The following PTPRO variants were observed in gnomAD, a reference collection of about 807,000 sequenced individuals.
PTPRO encodes protein tyrosine phosphatase receptor type O, also known as receptor-type tyrosine-protein phosphatase O.
PTPRO carries 62 observed loss-of-function variants against 145.2 expected under a neutral mutation model. The observed-to-expected ratio is 0.43, with a 90% CI of 0.35 to 0.53. PTPRO has a LOEUF of 0.53. PTPRO is among the 20% of genes least tolerant of loss of function. The pLI is 0.01. For synonymous variants in PTPRO, 565 were observed against 514.7 expected, an observed-to-expected ratio of 1.10 and a Z score of -1.32; for missense variants, 1,345 against 1,482.7, an observed-to-expected ratio of 0.91 and a Z score of 1.53.
At chr12:15,535,596 G>A (rs79304708) in intron 12 of PTPRO, among the ~76,000 whole-genome samples, 3,668 of 152,326 alleles carry the variant, frequency 0.024, 170 homozygotes, top group African/African-American at 0.084. Flanking sequence ...ACAAGCTGGC[G>A]CTTAGAGAAA....
intron 19 of PTPRO, among the ~76,000 whole-genome samples, chr12:15,569,848 T>C (rs1943999127): frequency 6.6e-6 from 1 of 152,160 alleles, no homozygotes; most frequent in Admixed American, 6.5e-5. Context: ...TTTCAGGGGA[T>C]TTGTAGTGTT....
At chr12:15,492,653 A>C (rs1478699338) in intron 2 of PTPRO, among the ~76,000 whole-genome samples, 3 of 152,194 alleles carry the variant, frequency 2.0e-5, no homozygotes, top group Non-Finnish European at 4.4e-5. Context: ...TAATGCATCA[A>C]ACTAGGTAAA....
At chr12:15,346,554 T>A (rs1348870481) in intron 1 of PTPRO, 1 of 152,194 alleles carries the variant, frequency 6.6e-6, no homozygotes, top group Admixed American at 6.5e-5. Flanking sequence ...CTCAGAGAAG[T>A]TTGGTGCTTT....
intron 1 of PTPRO, among the ~76,000 whole-genome samples, chr12:15,360,837 TAC>T (rs1491100465): frequency 9.5e-5 from 11 of 115,872 alleles, no homozygotes; most frequent in African/African-American, 1.6e-4. Context: ...TGTATATATA[TAC>T]GTGTGTATAT....
intron 1 of PTPRO, among the ~76,000 whole-genome samples, chr12:15,391,617 G>A (rs1490317501): frequency 1.3e-5 from 2 of 152,184 alleles, no homozygotes; most frequent in Non-Finnish European, 2.9e-5. Flanking sequence ...GTAGAAATTA[G>A]GGTCAGTCCC....
At chr12:15,544,131 A>C (rs1943231615) in intron 12 of PTPRO, among the ~76,000 whole-genome samples, 1 of 152,182 alleles carries the variant, frequency 6.6e-6, no homozygotes, top group African/African-American at 2.4e-5. Flanking sequence ...GCCAGGGAAA[A>C]AGAGGCACAG....
chr12:15,556,887 G>C (rs527627917), intron 15 of PTPRO, among the ~76,000 whole-genome samples: 8 of 152,242 alleles, frequency 5.3e-5, no homozygotes, highest in Admixed American at 4.6e-4. Flanking sequence ...ATGCCCTTTG[G>C]AAAGGATTGT....
chr12:15,362,616 G>A (rs1938243456), intron 1 of PTPRO, among the ~76,000 whole-genome samples: 1 of 151,902 alleles, frequency 6.6e-6, no homozygotes, highest in African/African-American at 2.4e-5. Flanking sequence ...TTCCTTATAT[G>A]GTAGAGTTTA....
At chr12:15,452,778 C>G (rs530904213) in intron 1 of PTPRO, among the ~76,000 whole-genome samples, 3 of 152,158 alleles carry the variant, frequency 2.0e-5, no homozygotes, top group Non-Finnish European at 2.9e-5. Flanking sequence ...TCTGCCTTTA[C>G]TACACAGAGT....
chr12:15,487,241 A>G (rs1591645098), intron 2 of PTPRO, among the ~76,000 whole-genome samples: 1 of 152,080 alleles, frequency 6.6e-6, no homozygotes, highest in Non-Finnish European at 1.5e-5. Context: ...CCCTCAAACT[A>G]CACCGACACT....
intron 15 of PTPRO, among the ~76,000 whole-genome samples, chr12:15,552,397 T>TA (rs1239922414): frequency 6.6e-6 from 1 of 152,226 alleles, no homozygotes; most frequent in Non-Finnish European, 1.5e-5. Flanking sequence ...ATTTGCCCAA[T>TA]ATTAACCTGC....
At chr12:15,525,029 C>T in intron 11 of PTPRO, 64 bp downstream of exon 11, 1 of 1,562,786 alleles carries the variant, frequency 6.4e-7, no homozygotes, top group Non-Finnish European at 8.8e-7. Flanking sequence ...TATTGAAAAC[C>T]ACTAAGCAAT....
chr12:15,379,211 C>G (rs557050287), intron 1 of PTPRO, among the ~76,000 whole-genome samples: 1 of 151,804 alleles, frequency 6.6e-6, no homozygotes, highest in Non-Finnish European at 1.5e-5. Context: ...TGGTCAAAAT[C>G]GGGACCAATC....
intron 25 of PTPRO, among the ~76,000 whole-genome samples, chr12:15,593,912 A>G (rs1944603862): frequency 6.6e-6 from 1 of 152,146 alleles, no homozygotes; most frequent in South Asian, 2.1e-4. Context: ...ATATTTTAAT[A>G]TTTCCTCAGT....
At chr12:15,516,573 AG>A (rs1942599757) in intron 8 of PTPRO, among the ~76,000 whole-genome samples, 189 bp from the exon 9 acceptor site, 1 of 84,858 alleles carries the variant, frequency 1.2e-5, no homozygotes, top group South Asian at 4.9e-4. Context: ...GGGGGAGGGC[AG>A]GGGGAGGGAG....
chr12:15,384,355 C>G (rs1938956782), intron 1 of PTPRO, among the ~76,000 whole-genome samples: 1 of 152,094 alleles, frequency 6.6e-6, no homozygotes, highest in Admixed American at 6.5e-5. Flanking sequence ...TTAGTTTGAA[C>G]TGCCATAACA....
chr12:15,522,101 A>G (rs1417233475), intron 10 of PTPRO, among the ~76,000 whole-genome samples: 11 of 150,828 alleles, frequency 7.3e-5, no homozygotes, highest in Admixed American at 7.2e-4. Flanking sequence ...TGGGTATAAT[A>G]ATAATAAATA....
At chr12:15,438,256 C>T (rs891971585) in intron 1 of PTPRO, among the ~76,000 whole-genome samples, 4 of 152,086 alleles carry the variant, frequency 2.6e-5, no homozygotes, top group African/African-American at 9.7e-5. Flanking sequence ...GTGCCAGTGT[C>T]TCCAGGTGAG....
At chr12:15,463,347 G>A (rs1387748400) in intron 1 of PTPRO, among the ~76,000 whole-genome samples, 1 of 152,034 alleles carries the variant, frequency 6.6e-6, no homozygotes, top group Non-Finnish European at 1.5e-5. Context: ...GCCACTGCAT[G>A]GAAAGGGAGA....
Sources: gnomAD v4.1 joint callset for allele counts (sites outside exome capture counted in the v4.1 genomes callset) on GRCh38, gnomAD v4.1.1 for gene constraint, MANE v1.5 for transcripts, NCBI Gene and HGNC (gene_info 2026-07-23, HGNC 2026-07-21) for gene names.